TULP4: variants seen among roughly 807,000 people sequenced by gnomAD.
The protein encoded by TULP4 is TUB like protein 4.
A neutral mutation model predicts 129.0 loss-of-function variants in TULP4; 16 were observed. The observed-to-expected ratio is 0.12, with a 90% CI of 0.08 to 0.19. TULP4 has a LOEUF of 0.19. Ranked by LOEUF, TULP4 falls within the 10% of genes least tolerant of loss-of-function variation. The probability of loss-of-function intolerance (pLI) is 1.00; values close to 1 mark genes in which losing one functional copy is unlikely to be tolerated. For synonymous variants in TULP4, 998 were observed against 854.0 expected (o/e 1.17, Z -2.94); for missense variants, 1,842 against 2,059.1 (o/e 0.89, Z 2.04).
At chr6:158,234,302 G>T (rs1278089470) in intron 1 of TULP4, among the ~76,000 whole-genome samples, 1 of 151,374 alleles carries the variant, frequency 6.6e-6, no homozygotes, top group African/African-American at 2.4e-5. Flanking sequence ...GTTTTAAATG[G>T]AATCATCCAA....
chr6:158,482,555 G>T (rs1318532648), intron 8 of TULP4, among the ~76,000 whole-genome samples: 3 of 152,182 alleles, frequency 2.0e-5, no homozygotes, highest in Non-Finnish European at 4.4e-5. Context: ...GGCACAGTGG[G>T]AAAAGCAGGA....
chr6:158,457,509 G>T (rs982975134), intron 5 of TULP4, among the ~76,000 whole-genome samples: 5 of 152,084 alleles, frequency 3.3e-5, no homozygotes, highest in African/African-American at 1.2e-4. Flanking sequence ...TCTTCATCAC[G>T]CAATAAGCAG....
chr6:158,476,903 C>G (rs1779833497), intron 6 of TULP4, among the ~76,000 whole-genome samples: 1 of 152,174 alleles, frequency 6.6e-6, no homozygotes, highest in Non-Finnish European at 1.5e-5. Context: ...AGCAGTGGAG[C>G]TGGGGAGGGA....
intron 6 of TULP4, among the ~76,000 whole-genome samples, chr6:158,462,385 CTTTTT>C (rs61200391): frequency 7.4e-6 from 1 of 134,574 alleles, no homozygotes. Flanking sequence ...TTTTTTCTTT[CTTTTT>C]TTTTTTTTTG....
intron 1 of TULP4, among the ~76,000 whole-genome samples, chr6:158,328,641 T>C (rs1399455997): frequency 6.6e-6 from 1 of 151,772 alleles, no homozygotes; most frequent in Non-Finnish European, 1.5e-5. Flanking sequence ...AGGAGGCAGG[T>C]GAGAGGTTAG....
At chr6:158,328,335 C>T (rs997762913) in intron 1 of TULP4, among the ~76,000 whole-genome samples, 7 of 151,836 alleles carry the variant, frequency 4.6e-5, no homozygotes, top group Non-Finnish European at 1.0e-4. Flanking sequence ...GGTACAGAGA[C>T]GTTAAGCAGC....
intron 3 of TULP4, among the ~76,000 whole-genome samples, chr6:158,431,685 A>G (rs705952): frequency 0.72 from 109,724 of 151,918 alleles, 40,068 homozygotes; most frequent in African/African-American, 0.78. Flanking sequence ...CAGGCAGCCC[A>G]AGCAGAGTTC....
chr6:158,238,162 C>T, intron 1 of TULP4: 2 of 767,984 alleles, frequency 2.6e-6, no homozygotes, highest in Non-Finnish European at 2.4e-6. Context: ...ATTAGACATG[C>T]TAAGAAATAT....
rs1009091230 is a variant in TULP4, at chr6:158,507,906, C to T, written c.*1212C>T. ...CAGAGGAGTATGGTCAAATCTTTGA[C>T]AAAATTTTCATGATCTTCTCTAACA... On this transcript the variant is annotated 3_prime_UTR_variant, in exon 14 of 14. Transcript: ENST00000367097. 7.2e-5 allele frequency: 11 copies of T among 152,240 alleles called. No homozygotes were observed. Among genetic ancestry groups the T allele is most frequent in the Non-Finnish European group, 7.4e-5 (5 of 67,998 alleles). The allele number at this position is 152,240 out of a possible 1,614,324, so 9.4% of individuals were successfully genotyped here.
intron 1 of TULP4, among the ~76,000 whole-genome samples, chr6:158,262,401 G>A (rs777832998): frequency 2.0e-5 from 3 of 152,172 alleles, no homozygotes; most frequent in Non-Finnish European, 2.9e-5. Context: ...CTCCCTGGGA[G>A]AGCGTGTGAA....
intron 1 of TULP4, among the ~76,000 whole-genome samples, chr6:158,283,321 C>G (rs1446451561): frequency 1.3e-5 from 2 of 152,116 alleles, no homozygotes; most frequent in African/African-American, 4.8e-5. Flanking sequence ...TTTTGAAACA[C>G]TATGTCTAGC....
At chr6:158,280,327 T>C (rs1040479694), upstream of TULP4, among the ~76,000 whole-genome samples, 7 of 152,254 alleles carry the variant, frequency 4.6e-5, no homozygotes, top group Non-Finnish European at 8.8e-5. Context: ...TTATTTTTGA[T>C]ATTTCAACTG....
chr6:158,487,961 C>T (rs1000760128), intron 8 of TULP4, among the ~76,000 whole-genome samples: 2 of 152,116 alleles, frequency 1.3e-5, no homozygotes, highest in Admixed American at 1.3e-4. Context: ...GTTGGGGAGA[C>T]AGACAATAAA....
At chr6:158,488,223 T>C (rs1780115068) in intron 8 of TULP4, among the ~76,000 whole-genome samples, 1 of 152,200 alleles carries the variant, frequency 6.6e-6, no homozygotes, top group Non-Finnish European at 1.5e-5. Flanking sequence ...TTACTGGGTT[T>C]CCTCAAGTCG....
intron 1 of TULP4, among the ~76,000 whole-genome samples, chr6:158,379,367 A>G (rs1012558394): frequency 6.6e-6 from 1 of 152,194 alleles, no homozygotes; most frequent in Admixed American, 6.5e-5. Context: ...TTCCAGAGAA[A>G]GAAGCACTAA....
chr6:158,465,710 T>C (rs11755760), intron 6 of TULP4, among the ~76,000 whole-genome samples: 25,096 of 152,182 alleles, frequency 0.16, 2,667 homozygotes, highest in Middle Eastern at 0.25. Flanking sequence ...CCCGAAGCAG[T>C]TGAATTACAG....
chr6:158,388,316 G>GTTTTTTTTT (rs1377926300), intron 1 of TULP4, among the ~76,000 whole-genome samples: 45 of 92,852 alleles, frequency 4.8e-4, no homozygotes, highest in South Asian at 7.3e-4. Context: ...TAATCTGCTC[G>GTTTTTTTTT]TTTTTCTTTT....
chr6:158,427,229 T>C (rs1490256865), intron 2 of TULP4, among the ~76,000 whole-genome samples: 1 of 152,142 alleles, frequency 6.6e-6, no homozygotes, highest in African/African-American at 2.4e-5. Flanking sequence ...ACAGAGAAGT[T>C]GAACATACTA....
At chr6:158,388,391 G>A (rs1382603989) in intron 1 of TULP4, among the ~76,000 whole-genome samples, 4 of 145,402 alleles carry the variant, frequency 2.8e-5, no homozygotes, top group African/African-American at 1.0e-4. Flanking sequence ...GTGCAGTGGG[G>A]TGATCTCAAC....
Sources: allele counts gnomAD v4.1 joint callset (sites outside exome capture counted in the v4.1 genomes callset), GRCh38; gene constraint gnomAD v4.1.1; transcripts MANE v1.5; gene names NCBI Gene and HGNC (gene_info 2026-07-23, HGNC 2026-07-21).